The following STK32B variants were observed in gnomAD, a reference collection of about 807,000 sequenced individuals.
STK32B encodes the protein serine/threonine-protein kinase 32B.
STK32B carries 43 observed loss-of-function variants against 52.6 expected under a neutral mutation model. That is an observed-to-expected ratio of 0.82 (90% confidence interval 0.64 to 1.05). The LOEUF is 1.05. STK32B is among the 50% of genes least tolerant of loss of function. STK32B has a pLI of 0.00. For missense variants in STK32B, 621 were observed against 534.6 expected, an observed-to-expected ratio of 1.16 and a Z score of -1.59; for synonymous variants, 238 against 204.3, an observed-to-expected ratio of 1.17 and a Z score of -1.41.
the STK32B span, among the ~76,000 whole-genome samples, chr4:5,021,479 G>A: frequency 2.0e-5 from 3 of 152,206 alleles, no homozygotes; most frequent in Admixed American, 6.5e-5. Context: ...CTCCCTGGCA[G>A]AATAGCTGGC....
Position 5,441,107 on chromosome 4 carries a change from A to C in STK32B, c.563-5566A>C, listed in dbSNP as rs1714699229. On this transcript the variant is annotated intron_variant, in intron 6 of 11. Coordinates refer to ENST00000282908, the MANE Select transcript of STK32B (RefSeq NM_018401.3). ...TCTGCCTGGCTTTGGTATCAGGATG[A>C]TGCTGGCCTCATAAAATGAGTTAGG... Among the ~76,000 whole-genome samples, 10 of 149,692 alleles carry C rather than the reference A, an allele frequency of 6.7e-5. No homozygotes were observed. The South Asian group carries it at 2.2e-3, about 32-fold the overall frequency.
In STK32B at chr4:5,357,451, C is replaced by G. The variant is rs78003614; in HGVS notation, c.434+26058C>G. On this transcript the variant is annotated intron_variant, in intron 4 of 11. Coordinates refer to ENST00000282908, the MANE Select transcript of STK32B (RefSeq NM_018401.3). ...GGTGCCAGGTCAGAGTACAGAACAC[C>G]AAGGAGCAAGGATAAAATCTGGCAT... Among the ~76,000 whole-genome samples, 5 of 152,020 alleles carry G rather than the reference C, an allele frequency of 3.3e-5. No homozygotes were observed. The East Asian group carries it at 9.7e-4, about 30-fold the overall frequency.
intron 1 of STK32B, chr4:5,127,040 C>T: frequency 2.1e-6 from 1 of 481,722 alleles, no homozygotes; most frequent in South Asian, 1.5e-5. Context: ...ATGCTCAATG[C>T]TGAGATAAAG....
chr4:5,161,750 GTCT>G (rs1385790805), intron 2 of STK32B, among the ~76,000 whole-genome samples: 1 of 152,132 alleles, frequency 6.6e-6, no homozygotes, highest in South Asian at 2.1e-4. Flanking sequence ...GCCAAACATA[GTCT>G]TCTTTCAGCG....
rs147792027 is a variant in STK32B at position 5,198,044 on chromosome 4, G to A, written c.260+29594G>A. 6.3e-4 allele frequency among the ~76,000 whole-genome samples: 95 copies of A among 151,740 alleles called. 1 individual carries two copies. Among genetic ancestry groups the A allele is most frequent in the Admixed American group, 9.2e-4 (14 of 15,262 alleles). On this transcript the variant is annotated intron_variant, in intron 3 of 11. Transcript: ENST00000282908. ...TTTTTCTTCAAAATGCTTGAAATGT[G>A]CTATCTCATGCCATAGAAACTACCC...
At chr4:5,379,029 C>CT (rs1157588209) in intron 4 of STK32B, among the ~76,000 whole-genome samples, 2 of 151,770 alleles carry the variant, frequency 1.3e-5, no homozygotes, top group African/African-American at 4.8e-5. Flanking sequence ...AGGGTCAACA[C>CT]TAAGGTCAGG....
At chr4:5,284,163 G>A (rs1240433271) in intron 3 of STK32B, among the ~76,000 whole-genome samples, 1 of 152,080 alleles carries the variant, frequency 6.6e-6, no homozygotes, top group East Asian at 1.9e-4. Context: ...CTTAAATTAG[G>A]TTGTTATAAG....
intron 1 of STK32B, among the ~76,000 whole-genome samples, chr4:5,069,190 C>CT (rs11309394): frequency 0.013 from 1,280 of 99,536 alleles, 21 homozygotes; most frequent in African/African-American, 0.042. Context: ...GGCAGGTTCT[C>CT]TTTTTTTTTT....
intron 4 of STK32B, among the ~76,000 whole-genome samples, chr4:5,364,354 A>G (rs1734736694): frequency 6.6e-6 from 1 of 152,224 alleles, no homozygotes; most frequent in Non-Finnish European, 1.5e-5. Flanking sequence ...AGAGAGAGAG[A>G]GAAGGGGAAA....
In STK32B at chr4:5,150,588, A is replaced by G. The variant is rs965177964; in HGVS notation, c.108+10628A>G. 4.7e-5 allele frequency among the ~76,000 whole-genome samples: 7 copies of G among 149,552 alleles called. 1 individual carries two copies. The highest frequency in any genetic ancestry group is 3.4e-3 in the Middle Eastern group (1 of 290). On this transcript the variant is annotated intron_variant, in intron 2 of 11. Coordinates refer to ENST00000282908, the MANE Select transcript of STK32B (RefSeq NM_018401.3). ...AATCTCAGTCCATTTTTTTTTTCTT[A>G]ACTGGACTGCTTTCAGCTTGTTCTA...
chr4:5,419,231 T>G (rs962180730), intron 6 of STK32B, among the ~76,000 whole-genome samples: 20 of 152,190 alleles, frequency 1.3e-4, no homozygotes, highest in Non-Finnish European at 2.8e-4. Context: ...GACCTATCTG[T>G]TGTATTGTTT....
chr4:5,242,771 G>C (rs1407718488), intron 3 of STK32B, among the ~76,000 whole-genome samples: 2 of 152,136 alleles, frequency 1.3e-5, no homozygotes, highest in Non-Finnish European at 2.9e-5. Context: ...GTAAGGAAGG[G>C]ATCCAGTTTC....
At chr4:5,170,609 T>C (rs1719293273) in intron 3 of STK32B, among the ~76,000 whole-genome samples, 1 of 152,178 alleles carries the variant, frequency 6.6e-6, no homozygotes, top group East Asian at 1.9e-4. Flanking sequence ...GGTTTCCAGC[T>C]TCATCCATGT....
chr4:5,451,622 C>A (rs372038766), intron 7 of STK32B, among the ~76,000 whole-genome samples: 1 of 152,220 alleles, frequency 6.6e-6, no homozygotes, highest in East Asian at 1.9e-4. Flanking sequence ...CAGGTTTCTC[C>A]ACCTCGGCAC....
intron 11 of STK32B, among the ~76,000 whole-genome samples, chr4:5,498,344 A>G (rs1015003120): frequency 1.3e-5 from 2 of 152,222 alleles, no homozygotes; most frequent in African/African-American, 2.4e-5. Context: ...GTTCGGAATC[A>G]TACCCCCTCA....
the STK32B span, among the ~76,000 whole-genome samples, chr4:5,022,691 G>A: frequency 6.6e-6 from 1 of 152,226 alleles, no homozygotes; most frequent in African/African-American, 2.4e-5. Context: ...TTAACGAGCA[G>A]GTGAACATCT....
intron 1 of STK32B, among the ~76,000 whole-genome samples, chr4:5,113,881 G>A (rs1430643339): frequency 6.6e-6 from 1 of 151,890 alleles, no homozygotes. Flanking sequence ...CATCTTACGT[G>A]GATGGTGGCA....
intron 2 of STK32B, among the ~76,000 whole-genome samples, chr4:5,167,058 C>G (rs888537651): frequency 6.6e-6 from 1 of 152,174 alleles, no homozygotes; most frequent in Non-Finnish European, 1.5e-5. Context: ...CTCCTCGGCT[C>G]CACGCCCTCC....
intron 3 of STK32B, among the ~76,000 whole-genome samples, chr4:5,207,396 A>C (rs979214975): frequency 2.0e-5 from 3 of 152,116 alleles, no homozygotes; most frequent in African/African-American, 7.2e-5. Context: ...TTATAGTTTT[A>C]TAAAAAGCAG....
Sources: allele counts gnomAD v4.1 joint callset (sites outside exome capture counted in the v4.1 genomes callset), GRCh38; gene constraint gnomAD v4.1.1; transcripts MANE v1.5; gene names NCBI Gene and HGNC (gene_info 2026-07-23, HGNC 2026-07-21).